GPC6: variants seen among roughly 807,000 people sequenced by gnomAD.
The protein encoded by GPC6 is glypican 6, also known as glypican-6.
Under a neutral mutation model 55.2 loss-of-function variants are expected in GPC6, and 14 were observed. The observed-to-expected ratio is 0.25, with a 90% CI of 0.17 to 0.40. The LOEUF is 0.40. Among genes scored for constraint, GPC6 ranks in the 10% least tolerant of loss-of-function variants. The pLI is 1.00. For synonymous variants in GPC6, 278 were observed against 259.6 expected (o/e 1.07, Z -0.68); for missense variants, 641 against 708.5 (o/e 0.90, Z 1.08).
At chr13:93,690,334 G>A (rs372848171) in intron 2 of GPC6, among the ~76,000 whole-genome samples, 10 of 152,074 alleles carry the variant, frequency 6.6e-5, no homozygotes, top group African/African-American at 2.4e-4. Context: ...GGGTCCAAAG[G>A]GTGGAAAAGG....
intron 1 of GPC6, among the ~76,000 whole-genome samples, chr13:93,456,325 T>C (rs558756111): frequency 6.6e-6 from 1 of 152,274 alleles, no homozygotes; most frequent in Non-Finnish European, 1.5e-5. Context: ...GTGGACACTT[T>C]AATTTTGAAC....
chr13:93,651,700 G>A (rs1350374458), intron 2 of GPC6, among the ~76,000 whole-genome samples: 1 of 152,134 alleles, frequency 6.6e-6, no homozygotes, highest in African/African-American at 2.4e-5. Flanking sequence ...GAGGAAGCCT[G>A]GGTCTCCAGG....
At chr13:93,508,327 C>T (rs937790488) in intron 1 of GPC6, among the ~76,000 whole-genome samples, 5 of 152,148 alleles carry the variant, frequency 3.3e-5, no homozygotes, top group Non-Finnish European at 5.9e-5. Context: ...AAGCAAGTCA[C>T]CAACTGTCTG....
chr13:93,590,249 C>G (rs1021844523), intron 2 of GPC6, among the ~76,000 whole-genome samples: 2 of 152,078 alleles, frequency 1.3e-5, no homozygotes, highest in Non-Finnish European at 2.9e-5. Flanking sequence ...GTTTTGTGAA[C>G]CTTGTGTAAT....
intron 2 of GPC6, among the ~76,000 whole-genome samples, chr13:93,806,984 C>T (rs1477436096): frequency 6.6e-6 from 1 of 152,134 alleles, no homozygotes; most frequent in Non-Finnish European, 1.5e-5. Context: ...ATTAAACTTT[C>T]ATAAACAGTA....
In GPC6 at chr13:93,561,404, G is replaced by GAGATATATATATATATATATATAT. The variant is rs968221822; in HGVS notation, c.319+15984_319+15985insGATATATATATATATATATATATA. Reference sequence around the variant, plus strand: ...AATAATTGCATACTATATCCCTATCGATATATATATATATATATATATTTG... The same window carrying GAGATATATATATATATATATATAT: ...AATAATTGCATACTATATCCCTATCGAGATATATATATATATATATATATATATATATATATATATATATATTTG... On this transcript the variant is annotated intron_variant, in intron 2 of 8. Transcript: ENST00000377047. Among the ~76,000 whole-genome samples, 47 of 104,686 alleles carry GAGATATATATATATATATATATAT rather than the reference G, an allele frequency of 4.5e-4. 1 individual carries two copies. Among genetic ancestry groups the GAGATATATATATATATATATATAT allele is most frequent in the African/African-American group, 1.9e-3 (45 of 24,112 alleles). 68.7% of individuals were successfully genotyped at this position (104,686 alleles called of 152,430 possible). A position where few individuals can be genotyped will look rare whatever the true frequency, so the allele number is the denominator to read the frequency against.
intron 6 of GPC6, among the ~76,000 whole-genome samples, chr13:94,377,224 A>C (rs9524465): frequency 0.11 from 17,064 of 151,002 alleles, 1,126 homozygotes; most frequent in East Asian, 0.31. Flanking sequence ...GAGCTTCTGC[A>C]CAGCAAAAGA....
At chr13:94,363,458 G>A (rs1879150258) in intron 6 of GPC6, among the ~76,000 whole-genome samples, 1 of 152,134 alleles carries the variant, frequency 6.6e-6, no homozygotes, top group African/African-American at 2.4e-5. Context: ...TATGGAGCAG[G>A]GGCAGGAGAG....
At chr13:93,484,049 A>T (rs1331568000) in intron 1 of GPC6, among the ~76,000 whole-genome samples, 1 of 152,156 alleles carries the variant, frequency 6.6e-6, no homozygotes, top group African/African-American at 2.4e-5. Flanking sequence ...AATCCTGGGA[A>T]AAGATGCACT....
At chr13:93,786,667 G>C (rs1157247113) in intron 2 of GPC6, among the ~76,000 whole-genome samples, 1 of 151,286 alleles carries the variant, frequency 6.6e-6, no homozygotes, top group Non-Finnish European at 1.5e-5. Flanking sequence ...CAACATAAAA[G>C]TTAATAAAAT....
intron 6 of GPC6, among the ~76,000 whole-genome samples, chr13:94,334,620 T>C (rs553956993): frequency 6.6e-6 from 1 of 152,288 alleles, no homozygotes; most frequent in East Asian, 1.9e-4. Context: ...CTACGGAAAC[T>C]GAAACTCCAA....
chr13:93,411,553 A>T (rs1876494759), intron 1 of GPC6, among the ~76,000 whole-genome samples: 1 of 152,190 alleles, frequency 6.6e-6, no homozygotes, highest in Non-Finnish European at 1.5e-5. Context: ...TATTACTATT[A>T]TTCTCTAATC....
intron 4 of GPC6, among the ~76,000 whole-genome samples, chr13:94,228,605 T>C (rs1250007043): frequency 3.9e-5 from 6 of 152,014 alleles, no homozygotes; most frequent in Non-Finnish European, 5.9e-5. Context: ...GGGGAGACTG[T>C]TTCCCAGAAG....
At chr13:94,118,055 A>C (rs116161146) in intron 4 of GPC6, among the ~76,000 whole-genome samples, 1 of 152,094 alleles carries the variant, frequency 6.6e-6, no homozygotes, top group Admixed American at 6.6e-5. Flanking sequence ...GCCTATTATT[A>C]GATTATTAAA....
At chr13:94,256,920 T>C (rs1594103763) in intron 4 of GPC6, among the ~76,000 whole-genome samples, 1 of 152,220 alleles carries the variant, frequency 6.6e-6, no homozygotes, top group Non-Finnish European at 1.5e-5. Context: ...AGCACCAGGA[T>C]AGCACAGCGA....
At chr13:93,946,628 A>C (rs1879023481) in intron 3 of GPC6, among the ~76,000 whole-genome samples, 1 of 152,138 alleles carries the variant, frequency 6.6e-6, no homozygotes, top group Admixed American at 6.5e-5. Flanking sequence ...TTTGAGTATG[A>C]ATTTTTATTC....
intron 3 of GPC6, among the ~76,000 whole-genome samples, chr13:93,874,373 A>G (rs1214478766): frequency 6.6e-6 from 1 of 151,890 alleles, no homozygotes; most frequent in Non-Finnish European, 1.5e-5. Context: ...TGCAAAGGAC[A>G]TGACCTTGTT....
chr13:94,076,128 CTTTG>C, intron 4 of GPC6, among the ~76,000 whole-genome samples: 1 of 145,870 alleles, frequency 6.9e-6, no homozygotes, highest in Admixed American at 7.1e-5. Flanking sequence ...CACTTATTAT[CTTTG>C]TTTTTTTTTT....
At chr13:93,975,891 A>T (rs1168157090) in intron 3 of GPC6, among the ~76,000 whole-genome samples, 1 of 152,148 alleles carries the variant, frequency 6.6e-6, no homozygotes, top group Non-Finnish European at 1.5e-5. Flanking sequence ...GCAATTTTTT[A>T]AATTAGTATT....
Sources: allele counts gnomAD v4.1 joint callset (sites outside exome capture counted in the v4.1 genomes callset), GRCh38; gene constraint gnomAD v4.1.1; transcripts MANE v1.5; gene names NCBI Gene and HGNC (gene_info 2026-07-23, HGNC 2026-07-21).